Variants in CNGB3 observed in about 807,000 individuals in gnomAD.
The protein encoded by CNGB3 is cyclic nucleotide gated channel subunit beta 3.
Under a neutral mutation model 92.8 loss-of-function variants are expected in CNGB3, and 86 were observed. The observed-to-expected ratio is 0.93, with a 90% confidence interval of 0.78 to 1.11. CNGB3 has a LOEUF of 1.11. Ranked by LOEUF, CNGB3 falls within the 50% of genes least tolerant of loss-of-function variation. The pLI is 0.00. For missense variants in CNGB3, 1,026 were observed against 956.8 expected (o/e 1.07, Z -0.95); for synonymous variants, 333 against 332.7 (o/e 1.00, Z -0.01).
In CNGB3 at chr8:86,614,234, C is replaced by T. The variant is rs189835436; in HGVS notation, c.1579-2563G>A. The stretch of plus-strand genomic sequence containing the variant: ...TATACCACTGCCTCCTGGTGACCAC[C>T]GCTCTATGGTACAGCTGGATGCAAT... On this transcript the variant is annotated intron_variant, in intron 13 of 17. Coordinates refer to ENST00000320005, the MANE Select transcript of CNGB3 (RefSeq NM_019098.5). Among the ~76,000 whole-genome samples, 460 of 152,156 alleles carry T rather than the reference C, an allele frequency of 3.0e-3. 1 individual carries two copies. The highest frequency in any genetic ancestry group is 0.01 in the African/African-American group (434 of 41,510).
At chr8:86,679,101 G>A (rs972723390) in intron 3 of CNGB3, among the ~76,000 whole-genome samples, 8 of 152,010 alleles carry the variant, frequency 5.3e-5, no homozygotes, top group African/African-American at 1.9e-4. Flanking sequence ...GTGTCTTGGG[G>A]AAGTTATGAG....
intron 13 of CNGB3, among the ~76,000 whole-genome samples, chr8:86,617,751 G>C (rs983662417): frequency 1.3e-5 from 2 of 152,152 alleles, no homozygotes; most frequent in African/African-American, 4.8e-5. Context: ...GGGAAGTCAT[G>C]AGTTAGACGG....
At chr8:86,656,868 T>C (rs1265267773) in intron 6 of CNGB3, among the ~76,000 whole-genome samples, 1 of 152,128 alleles carries the variant, frequency 6.6e-6, no homozygotes, top group African/African-American at 2.4e-5. Context: ...CAGTCCCAAA[T>C]AATTACTAGA....
At chr8:86,590,870 A>T (rs1822015858) in intron 15 of CNGB3, among the ~76,000 whole-genome samples, 1 of 150,890 alleles carries the variant, frequency 6.6e-6, no homozygotes, top group Non-Finnish European at 1.5e-5. Flanking sequence ...GTATTTCCTG[A>T]ATCTGAATGT....
chr8:86,575,237 A>G lies in CNGB3; in HGVS notation c.*567T>C, dbSNP rs1264198237. The G allele has an allele frequency of 6.6e-6, 1 of 152,178 alleles. No homozygotes were observed. Among genetic ancestry groups the G allele is most frequent in the Non-Finnish European group, 1.5e-5 (1 of 68,028 alleles). 9.4% of individuals were successfully genotyped at this position (152,178 alleles called of 1,614,324 possible). ...CCAAAAATCAGACTTCTCATTCAGAAAGCTTCATGATCTCTGCTTCCCTTC... is the reference window on the plus strand; with the variant it reads ...CCAAAAATCAGACTTCTCATTCAGAGAGCTTCATGATCTCTGCTTCCCTTC... On this transcript the variant is annotated 3_prime_UTR_variant, in exon 18 of 18. Coordinates refer to ENST00000320005, the MANE Select transcript of CNGB3 (RefSeq NM_019098.5).
intron 3 of CNGB3, among the ~76,000 whole-genome samples, chr8:86,717,132 A>G (rs1009337980): frequency 6.6e-6 from 1 of 152,202 alleles, no homozygotes; most frequent in African/African-American, 2.4e-5. Flanking sequence ...GGAACATTAT[A>G]TAATGGTAGA....
chr8:86,620,905 A>C (rs930657348), intron 13 of CNGB3, among the ~76,000 whole-genome samples: 2 of 129,716 alleles, frequency 1.5e-5, no homozygotes, highest in East Asian at 4.7e-4. Flanking sequence ...TACAAAAAAA[A>C]AAGTTTTTTT....
chr8:86,649,635 T>C (rs1823360097), intron 7 of CNGB3, among the ~76,000 whole-genome samples: 1 of 151,678 alleles, frequency 6.6e-6, no homozygotes, highest in Non-Finnish European at 1.5e-5. Context: ...TCTCACTTTA[T>C]ACAGAAATCA....
At chr8:86,590,474 G>A (rs1173155224) in intron 15 of CNGB3, among the ~76,000 whole-genome samples, 1 of 152,082 alleles carries the variant, frequency 6.6e-6, no homozygotes, top group Admixed American at 6.6e-5. Flanking sequence ...GCAGCGGCTG[G>A]TACCAGTTCT....
At chr8:86,619,883 G>T (rs1822692240) in intron 13 of CNGB3, among the ~76,000 whole-genome samples, 1 of 151,690 alleles carries the variant, frequency 6.6e-6, no homozygotes. Context: ...ACAGGCACCT[G>T]GCTAAATTTT....
At chr8:86,618,488 G>A (rs886115287) in intron 13 of CNGB3, among the ~76,000 whole-genome samples, 2 of 151,664 alleles carry the variant, frequency 1.3e-5, no homozygotes, top group Admixed American at 1.3e-4. Flanking sequence ...TTACAACCAA[G>A]TATGTTATCT....
chr8:86,727,761 T>G (rs2131673057), intron 2 of CNGB3, among the ~76,000 whole-genome samples: 1 of 152,280 alleles, frequency 6.6e-6, no homozygotes, highest in Admixed American at 6.5e-5. Flanking sequence ...TTGGATGTCT[T>G]GTGCTTAAGA....
intron 4 of CNGB3, among the ~76,000 whole-genome samples, chr8:86,670,340 T>C (rs1823830176): frequency 6.6e-6 from 1 of 151,852 alleles, no homozygotes; most frequent in Non-Finnish European, 1.5e-5. Flanking sequence ...TAGAAGATAC[T>C]GTTTGTGTCC....
intron 15 of CNGB3, among the ~76,000 whole-genome samples, chr8:86,581,300 A>AT (rs1483925971): frequency 6.6e-6 from 1 of 152,180 alleles, no homozygotes; most frequent in African/African-American, 2.4e-5. Context: ...TTAAATGCTC[A>AT]TTTTAATAAA....
At chr8:86,735,211 C>G (rs1314450580) in intron 2 of CNGB3, among the ~76,000 whole-genome samples, 1 of 129,134 alleles carries the variant, frequency 7.7e-6, no homozygotes, top group East Asian at 2.3e-4. Context: ...GGCGCAATCT[C>G]GGCTCCCTGC....
At chr8:86,717,552 ACT>A (rs1438443300) in intron 3 of CNGB3, among the ~76,000 whole-genome samples, 6 of 103,910 alleles carry the variant, frequency 5.8e-5, no homozygotes, top group Non-Finnish European at 1.1e-4. Flanking sequence ...ACAGAGTGAG[ACT>A]CTGTCTCAAA....
chr8:86,653,900 G>T (rs1823452155), intron 7 of CNGB3, 112 bp downstream of exon 7: 2 of 775,578 alleles, frequency 2.6e-6, no homozygotes, highest in Non-Finnish European at 4.6e-6. Context: ...GCTTATCATT[G>T]TCTAATAAAA....
At chr8:86,657,178 A>G (rs1368020878) in intron 6 of CNGB3, among the ~76,000 whole-genome samples, 1 of 152,120 alleles carries the variant, frequency 6.6e-6, no homozygotes, top group African/African-American at 2.4e-5. Context: ...GCTCTTAAAT[A>G]ACAACATAAT....
At chr8:86,722,702 C>G (rs1299702764) in intron 3 of CNGB3, among the ~76,000 whole-genome samples, 1 of 152,170 alleles carries the variant, frequency 6.6e-6, no homozygotes. Flanking sequence ...AAGAAGCTGA[C>G]TCTCCTGAGA....
Sources: allele counts gnomAD v4.1 joint callset (sites outside exome capture counted in the v4.1 genomes callset), GRCh38; gene constraint gnomAD v4.1.1; transcripts MANE v1.5; gene names NCBI Gene and HGNC (gene_info 2026-07-23, HGNC 2026-07-21).